Variants in PLEKHA7 observed in about 807,000 individuals in gnomAD.
The protein encoded by PLEKHA7 is pleckstrin homology domain containing A7.
In PLEKHA7, 104 loss-of-function variants were observed where a neutral mutation model predicts 170.0. That is an observed-to-expected ratio of 0.61 (90% CI 0.52 to 0.72). The LOEUF is 0.72. Among genes scored for constraint, PLEKHA7 ranks in the 30% least tolerant of loss-of-function variants. PLEKHA7 has a pLI of 0.00. For synonymous variants in PLEKHA7, 648 were observed against 660.8 expected, an observed-to-expected ratio of 0.98 and a Z score of 0.30; for missense variants, 1,615 against 1,671.7, an observed-to-expected ratio of 0.97 and a Z score of 0.59.
At chr11:16,897,856 G>A (rs112460937) in intron 3 of PLEKHA7, among the ~76,000 whole-genome samples, 76 of 152,246 alleles carry the variant, frequency 5.0e-4, no homozygotes, top group Non-Finnish European at 9.3e-4. Flanking sequence ...GCAGTTCGGT[G>A]CTGCAAGCCT....
intron 3 of PLEKHA7, among the ~76,000 whole-genome samples, chr11:16,883,390 C>T (rs1855852760): frequency 6.6e-6 from 1 of 152,154 alleles, no homozygotes; most frequent in African/African-American, 2.4e-5. Context: ...AGGCTGCCAC[C>T]CTGTGGCTTT....
chr11:16,970,877 A>C (rs923961319), intron 3 of PLEKHA7, among the ~76,000 whole-genome samples: 26 of 152,336 alleles, frequency 1.7e-4, no homozygotes, highest in African/African-American at 6.0e-4. Context: ...AACCTACAGG[A>C]TTATAAATAT....
intron 17 of PLEKHA7, chr11:16,795,263 A>T: frequency 2.0e-6 from 1 of 497,892 alleles, no homozygotes; most frequent in Non-Finnish European, 3.6e-6. Context: ...ACCTAATTTA[A>T]AAACAGACTG....
At position 16,826,389 on chromosome 11, in the gene PLEKHA7, C is replaced by T; in HGVS notation, c.1074G>A (p.Arg358=). The T allele has an allele frequency of 6.2e-7, 1 of 1,614,250 alleles. No homozygotes were observed. The highest frequency in any genetic ancestry group is 1.1e-5 in the South Asian group (1 of 91,092). Residue 358 remains arginine, a synonymous_variant, in exon 10 of 27, where the codon CGG becomes CGA. Coordinates refer to ENST00000531066, the MANE Select transcript of PLEKHA7 (RefSeq NM_001329630.2). ...QRDPLEGKRD[R]SKARSPYSPA... is the part of the protein sequence containing the mutation. ...GCGAGTACGGAGACCTGGCCTTGCTCCGGTCCCGCTTGCCCTCCAGTGGGT... is the reference window on the plus strand; with the variant it reads ...GCGAGTACGGAGACCTGGCCTTGCTTCGGTCCCGCTTGCCCTCCAGTGGGT...
chr11:16,930,062 G>A (rs889992299), intron 3 of PLEKHA7, among the ~76,000 whole-genome samples: 1 of 152,012 alleles, frequency 6.6e-6, no homozygotes, highest in African/African-American at 2.4e-5. Flanking sequence ...TGGGGAGCAG[G>A]GAGCTGGCCA....
chr11:16,927,352 T>C (rs539707419), intron 3 of PLEKHA7, among the ~76,000 whole-genome samples: 1 of 152,348 alleles, frequency 6.6e-6, no homozygotes, highest in African/African-American at 2.4e-5. Context: ...TTTAAAACTA[T>C]ATATGCCCTT....
chr11:16,902,616 T>A (rs149609021), intron 3 of PLEKHA7, among the ~76,000 whole-genome samples: 1 of 152,364 alleles, frequency 6.6e-6, no homozygotes, highest in East Asian at 1.9e-4. Flanking sequence ...TCTTTTCATT[T>A]GCTTATTGGT....
Position 16,789,894 on chromosome 11 carries a change from G to C in PLEKHA7, c.3053-16C>G, listed in dbSNP as rs1161674810. 3 of 1,607,806 alleles carry C rather than the reference G, an allele frequency of 1.9e-6. No homozygotes were observed. Among genetic ancestry groups the C allele is most frequent in the South Asian group, 1.1e-5 (1 of 90,936 alleles). On this transcript the variant is annotated splice_polypyrimidine_tract_variant and intron_variant, in intron 21 of 26. Coordinates refer to ENST00000531066, the MANE Select transcript of PLEKHA7 (RefSeq NM_001329630.2). This position sits in a 1 kb window ranked among gnomAD's most constrained non-coding sequence, Gnocchi z 4.6. Reference sequence around the variant, plus strand: ...CCTGAGAGCCCTTAGTGAGGAAAGAGAAGTGCAAGCATGTTTGTGCTGGGG... The same window carrying C: ...CCTGAGAGCCCTTAGTGAGGAAAGACAAGTGCAAGCATGTTTGTGCTGGGG...
chr11:16,963,592 G>A (rs1205986626), intron 3 of PLEKHA7, among the ~76,000 whole-genome samples: 1 of 152,194 alleles, frequency 6.6e-6, no homozygotes, highest in Non-Finnish European at 1.5e-5. Flanking sequence ...AGGGGCAAGA[G>A]GGGGAACAAA....
chr11:16,998,828 G>C (rs529510747), intron 3 of PLEKHA7, among the ~76,000 whole-genome samples: 19 of 143,066 alleles, frequency 1.3e-4, no homozygotes, highest in African/African-American at 4.5e-4. Context: ...TAAATCCCCA[G>C]GTCAAAATGT....
Position 16,791,028 on chromosome 11 carries a change from C to A in PLEKHA7, c.2917G>T (p.Val973Leu), listed in dbSNP as rs750873899. ...RKRDRELGQC[V>L]NGDSRVELRS... ...CCGCTCACCCTGGAATCCCCATTCACACACTGCCCCAGCTCCCGGTCTCGC... is the reference window on the plus strand; with the variant it reads ...CCGCTCACCCTGGAATCCCCATTCAAACACTGCCCCAGCTCCCGGTCTCGC... The change falls in exon 20 of 27, where the codon GTG (valine) becomes TTG (leucine). Residue 973 changes from valine (V) to leucine (L), a missense_variant. By Grantham distance (32) the Val-to-Leu change is conservative (BLOSUM62 1). Coordinates refer to ENST00000531066, the MANE Select transcript of PLEKHA7 (RefSeq NM_001329630.2). The surrounding 1 kb of genome is among the most constrained non-coding windows in gnomAD (Gnocchi z 4.5). 3.1e-6 allele frequency: 5 copies of A among 1,614,128 alleles called. No individual in the cohort carries two copies. Among genetic ancestry groups the A allele is most frequent in the East Asian group, 2.2e-5 (1 of 44,866 alleles).
intron 3 of PLEKHA7, among the ~76,000 whole-genome samples, chr11:16,937,867 C>T (rs1421513346): frequency 6.6e-6 from 1 of 152,176 alleles, no homozygotes; most frequent in Admixed American, 6.5e-5. Flanking sequence ...CTCGGCCTCC[C>T]AAAGTGTTGG....
intron 3 of PLEKHA7, among the ~76,000 whole-genome samples, chr11:16,956,161 ATGTG>A (rs1861689629): frequency 6.6e-6 from 1 of 152,220 alleles, no homozygotes; most frequent in Admixed American, 6.5e-5. Flanking sequence ...GTATGTACGT[ATGTG>A]TGTGTACACA....
Position 16,790,655 on chromosome 11 carries a change from C to T in PLEKHA7, c.3052+143G>A. The T allele has an allele frequency of 1.1e-5, 8 of 751,268 alleles. No individual in the cohort carries two copies. In the South Asian group the frequency reaches 1.5e-4, roughly 14 times the overall value. The allele number at this position is 751,268 out of a possible 1,614,324, so 46.5% of individuals were successfully genotyped here. A position where few individuals can be genotyped will look rare whatever the true frequency, so the allele number is the denominator to read the frequency against. On this transcript the variant is annotated intron_variant, in intron 21 of 26. Transcript: ENST00000531066. ...CAGAGGAAGACAGGCCAGGTCCTCC[C>T]TCTTGGCATCCCAGACCCCCCTGAC...
At chr11:16,982,051 G>A (rs534029621) in intron 3 of PLEKHA7, among the ~76,000 whole-genome samples, 3 of 152,354 alleles carry the variant, frequency 2.0e-5, no homozygotes, top group East Asian at 1.9e-4. Context: ...TGCCAGCAGC[G>A]TGAGGCAGGT....
At chr11:16,933,363 G>A (rs879679291) in intron 3 of PLEKHA7, among the ~76,000 whole-genome samples, 7 of 152,222 alleles carry the variant, frequency 4.6e-5, no homozygotes, top group Non-Finnish European at 8.8e-5. Context: ...AAAGCAGGGA[G>A]ATGAGCTAAA....
chr11:16,918,895 T>TA lies in PLEKHA7; in HGVS notation c.222-47714dup, dbSNP rs910924805. ...ACATGAAAAACATTACATACTCACA[T>TA]AAAAAAAAAACTATTAAGAAATATT... On this transcript the variant is annotated intron_variant, in intron 3 of 26. Coordinates refer to ENST00000531066, the MANE Select transcript of PLEKHA7 (RefSeq NM_001329630.2). Among the ~76,000 whole-genome samples the TA allele has an allele frequency of 1.8e-3, 272 of 148,510 alleles. 2 individuals are homozygous for TA. Among genetic ancestry groups the TA allele is most frequent in the African/African-American group, 5.5e-3 (223 of 40,592 alleles).
intron 3 of PLEKHA7, among the ~76,000 whole-genome samples, chr11:16,903,696 T>C (rs966401253): frequency 6.6e-6 from 1 of 152,206 alleles, no homozygotes; most frequent in African/African-American, 2.4e-5. Flanking sequence ...GATAGGCTCT[T>C]CTCACAACGT....
At chr11:16,850,028 T>A (rs111675047) in intron 8 of PLEKHA7, among the ~76,000 whole-genome samples, 1 of 152,296 alleles carries the variant, frequency 6.6e-6, no homozygotes, top group African/African-American at 2.4e-5. Flanking sequence ...GATCAAGGTG[T>A]TGATAGAGAC....
Sources: allele counts gnomAD v4.1 joint callset (sites outside exome capture counted in the v4.1 genomes callset), GRCh38; gene constraint gnomAD v4.1.1; non-coding constraint Gnocchi (gnomAD v3.1); transcripts MANE v1.5; gene names NCBI Gene and HGNC (gene_info 2026-07-23, HGNC 2026-07-21).